The following SNRPB2 variants were observed in gnomAD, a reference collection of about 807,000 sequenced individuals.
The protein encoded by SNRPB2 is U2 small nuclear ribonucleoprotein B''.
A neutral mutation model predicts 26.3 loss-of-function variants in SNRPB2; 16 were observed. That is an observed-to-expected ratio of 0.61 (90% confidence interval 0.41 to 0.92). The LOEUF (loss-of-function observed/expected upper bound fraction) is 0.92. Ranked by LOEUF, SNRPB2 falls within the 40% of genes least tolerant of loss-of-function variation. SNRPB2 has a pLI of 0.00. For missense variants in SNRPB2, 179 were observed against 268.1 expected, an observed-to-expected ratio of 0.67 and a Z score of 2.32; for synonymous variants, 75 against 89.0, an observed-to-expected ratio of 0.84 and a Z score of 0.88.
rs2072401355 is a variant in SNRPB2, at chr20:16,732,813, T to G, written c.237+477T>G. Among the ~76,000 whole-genome samples, 2 of 152,116 alleles carry G rather than the reference T, an allele frequency of 1.3e-5. 1 individual carries two copies. Among genetic ancestry groups the G allele is most frequent in the South Asian group, 4.1e-4 (2 of 4,834 alleles). On this transcript the variant is annotated intron_variant, in intron 3 of 6. Coordinates refer to ENST00000246071, the MANE Select transcript of SNRPB2 (RefSeq NM_003092.5). ...AACTCATAGGTTTTAGGAATAACAA[T>G]GGAAATGAAATGGTTATGAATGGAG...
At chr20:16,734,769 C>T (rs1190420743) in intron 3 of SNRPB2, among the ~76,000 whole-genome samples, 1 of 152,178 alleles carries the variant, frequency 6.6e-6, no homozygotes, top group Non-Finnish European at 1.5e-5. Context: ...GACAAAATCA[C>T]CTCTGGTTGA....
intron 1 of SNRPB2, among the ~76,000 whole-genome samples, chr20:16,731,304 G>A (rs2072388684): frequency 6.6e-6 from 1 of 152,124 alleles, no homozygotes; most frequent in Non-Finnish European, 1.5e-5. Context: ...GATTTTTACT[G>A]GATGTACATT....
chr20:16,736,750 C>T (rs2122503785), intron 3 of SNRPB2, among the ~76,000 whole-genome samples: 1 of 152,274 alleles, frequency 6.6e-6, no homozygotes, highest in East Asian at 1.9e-4. Context: ...GGCATTTGGC[C>T]TCCAGTGGGC....
intron 3 of SNRPB2, among the ~76,000 whole-genome samples, chr20:16,736,997 G>T (rs985779061): frequency 2.6e-5 from 4 of 152,106 alleles, no homozygotes; most frequent in Admixed American, 2.6e-4. Flanking sequence ...CCGTGGTACA[G>T]ATATTTCAAA....
chr20:16,739,775 A>G (rs1457395747), intron 5 of SNRPB2, among the ~76,000 whole-genome samples: 1 of 152,124 alleles, frequency 6.6e-6, no homozygotes, highest in Admixed American at 6.6e-5. Flanking sequence ...AGTAATATCT[A>G]ATAAACTAAG....
chr20:16,740,489 A>G, intron 6 of SNRPB2, 76 bp downstream of exon 6: 1 of 1,574,396 alleles, frequency 6.4e-7, no homozygotes, highest in Non-Finnish European at 8.6e-7. Flanking sequence ...GGTTGAATCC[A>G]TTTATCACAC....
chr20:16,737,435 G>A, intron 4 of SNRPB2, 34 bp downstream of exon 4: 1 of 1,557,602 alleles, frequency 6.4e-7, no homozygotes. Context: ...TGTTTGTATT[G>A]GTGTTAAAAA....
At chr20:16,731,321 T>G (rs1416202121) in intron 1 of SNRPB2, among the ~76,000 whole-genome samples, 1 of 152,254 alleles carries the variant, frequency 6.6e-6, no homozygotes, top group Non-Finnish European at 1.5e-5. Context: ...CATTTGCTAC[T>G]TTGGTCATTT....
Position 16,732,362 on chromosome 20 carries a change from T to C in SNRPB2, c.237+26T>C, listed in dbSNP as rs778195898. On this transcript the variant is annotated intron_variant, in intron 3 of 6. Transcript: ENST00000246071. ...GTAAGCCAATTCCATTATTTCACTTTAATCAAGAAATTAATGATATTGATG... is the reference window on the plus strand; with the variant it reads ...GTAAGCCAATTCCATTATTTCACTTCAATCAAGAAATTAATGATATTGATG... 1.1e-5 allele frequency: 14 copies of C among 1,318,796 alleles called. No individual in the cohort carries two copies. In the East Asian group the frequency reaches 3.2e-4, roughly 30 times the overall value. 81.7% of individuals were successfully genotyped at this position (1,318,796 alleles called of 1,614,324 possible).
intron 6 of SNRPB2, 24 bp downstream of exon 6, chr20:16,740,437 T>G (rs776279420): frequency 4.4e-6 from 7 of 1,608,274 alleles, no homozygotes; most frequent in Non-Finnish European, 5.9e-6. Flanking sequence ...TAAATAAGTC[T>G]GTTTCTGAGA....
Position 16,741,065 on chromosome 20 carries a change from A to G in SNRPB2, c.*60A>G. ...TATTTACAGTGTTTGTTTTGATAAC[A>G]TTTGGCTGGGTCATTTTAATAGTTA... On this transcript the variant is annotated 3_prime_UTR_variant, in exon 7 of 7. Transcript: ENST00000246071. The G allele has an allele frequency of 1.5e-6, 2 of 1,303,326 alleles. No individual in the cohort carries two copies. The highest frequency in any genetic ancestry group is 2.1e-6 in the Non-Finnish European group (2 of 948,012). 80.7% of individuals were successfully genotyped at this position (1,303,326 alleles called of 1,614,324 possible). A position where few individuals can be genotyped will look rare whatever the true frequency, so the allele number is the denominator to read the frequency against.
At position 16,738,892 on chromosome 20, in the gene SNRPB2, C is replaced by T; in HGVS notation, c.419C>T (p.Pro140Leu). ...GCTAATACCCAAGGAAATTCAACAC[C>T]AAATCCTCAGGTAATTTTTTTTCCA... ...NSANTQGNST[P>L]NPQVPDYPPN... The change falls in exon 5 of 7, where the codon CCA becomes CTA. Residue 140 changes from proline (P) to leucine (L), a missense_variant. Physicochemically the swap from Pro to Leu is moderately conservative, Grantham distance 98. Transcript: ENST00000246071. The T allele has an allele frequency of 6.2e-7, 1 of 1,603,422 alleles. No homozygotes were observed. Among genetic ancestry groups the T allele is most frequent in the Non-Finnish European group, 8.5e-7 (1 of 1,170,620 alleles).
At chr20:16,740,736 A>C in intron 6 of SNRPB2, 110 bp from the exon 7 acceptor site, 2 of 819,406 alleles carry the variant, frequency 2.4e-6, no homozygotes, top group Non-Finnish European at 3.8e-6. Context: ...TCTTGGTTAG[A>C]GTATGGTTAT....
At chr20:16,733,380 T>C (rs1350878498) in intron 3 of SNRPB2, among the ~76,000 whole-genome samples, 1 of 152,252 alleles carries the variant, frequency 6.6e-6, no homozygotes, top group Non-Finnish European at 1.5e-5. Context: ...AATGCAGGCC[T>C]GTGGGCAGGG....
intron 3 of SNRPB2, among the ~76,000 whole-genome samples, chr20:16,736,539 T>G (rs1163050207): frequency 6.6e-6 from 1 of 152,204 alleles, no homozygotes; most frequent in Non-Finnish European, 1.5e-5. Context: ...TAAAAGAAAT[T>G]TTCCATCTAG....
At chr20:16,740,018 C>T (rs2072453102) in intron 5 of SNRPB2, among the ~76,000 whole-genome samples, 1 of 150,992 alleles carries the variant, frequency 6.6e-6, no homozygotes, top group Non-Finnish European at 1.5e-5. Flanking sequence ...TGCTGGCCAT[C>T]TCTAATTTTA....
chr20:16,731,512 A>G (rs1020685771), intron 1 of SNRPB2, among the ~76,000 whole-genome samples, 156 bp from the exon 2 acceptor site: 7 of 152,224 alleles, frequency 4.6e-5, no homozygotes, highest in African/African-American at 1.7e-4. Context: ...CTGTATGAAA[A>G]GGAGGGCTAG....
At chr20:16,739,489 G>T (rs2072449450) in intron 5 of SNRPB2, among the ~76,000 whole-genome samples, 1 of 151,840 alleles carries the variant, frequency 6.6e-6, no homozygotes, top group African/African-American at 2.4e-5. Flanking sequence ...TTTCCAGATG[G>T]CGGGGTCTGG....
chr20:16,740,355 T>C lies in SNRPB2; in HGVS notation c.460T>C (p.Phe154Leu). 6.2e-7 allele frequency: 1 copy of C among 1,611,848 alleles called. No individual in the cohort carries two copies. Among genetic ancestry groups the C allele is most frequent in the Non-Finnish European group, 8.5e-7 (1 of 1,178,908 alleles). ...TGATTACCCTCCAAACTATATTTTA[T>C]TCCTTAATAACTTACCAGAAGAGAC... ...VPDYPPNYIL[F>L]LNNLPEETNE... Residue 154 changes from phenylalanine (F) to leucine (L), a missense_variant, in exon 6 of 7, where the codon TTC (phenylalanine) becomes CTC (leucine). Transcript: ENST00000246071.
Sources: gnomAD v4.1 joint callset for allele counts (sites outside exome capture counted in the v4.1 genomes callset) on GRCh38, gnomAD v4.1.1 for gene constraint, MANE v1.5 for transcripts, NCBI Gene and HGNC (gene_info 2026-07-23, HGNC 2026-07-21) for gene names.